ITPKC: variants seen among roughly 807,000 people sequenced by gnomAD.
The protein encoded by ITPKC is inositol-trisphosphate 3-kinase C.
In ITPKC, 33 loss-of-function variants were observed where a neutral mutation model predicts 67.1. The observed-to-expected ratio is 0.49, with a 90% CI of 0.37 to 0.66. The LOEUF (loss-of-function observed/expected upper bound fraction) is 0.66. Ranked by LOEUF, ITPKC falls within the 30% of genes least tolerant of loss-of-function variation. ITPKC has a pLI of 0.00. For synonymous variants in ITPKC, 341 were observed against 359.8 expected, an observed-to-expected ratio of 0.95 and a Z score of 0.59; for missense variants, 820 against 892.1, an observed-to-expected ratio of 0.92 and a Z score of 1.03.
Position 40,717,911 on chromosome 19 carries a change from G to A in ITPKC, c.776G>A (p.Arg259Lys). 1 of 1,614,126 alleles carries A rather than the reference G, an allele frequency of 6.2e-7. No homozygotes were observed. Among genetic ancestry groups the A allele is most frequent in the African/African-American group, 1.3e-5 (1 of 75,020 alleles). The change falls in exon 1 of 7, where the codon AGG (arginine) becomes AAG (lysine). Residue 259 changes from arginine (R) to lysine (K), a missense_variant. Physicochemically the swap from Arg to Lys is conservative, Grantham distance 26 (BLOSUM62 2). Coordinates refer to ENST00000263370, the MANE Select transcript of ITPKC (RefSeq NM_025194.3). Reference protein sequence around the residue: ...SQKKQDTEAARKQPGTGGFQI... With the variant: ...SQKKQDTEAAKKQPGTGGFQI... ...AAAAAACAGGATACTGAAGCAGCCA[G>A]GAAACAGCCTGGCACTGGTGGTTTC...
intron 3 of ITPKC, among the ~76,000 whole-genome samples, chr19:40,731,260 G>T (rs746991975): frequency 6.6e-6 from 1 of 152,212 alleles, no homozygotes; most frequent in Non-Finnish European, 1.5e-5. Flanking sequence ...AGACTAGCGG[G>T]CAGGAGATTC....
chr19:40,718,650 C>T (rs1449789160), intron 1 of ITPKC, among the ~76,000 whole-genome samples: 1 of 152,146 alleles, frequency 6.6e-6, no homozygotes, highest in Non-Finnish European at 1.5e-5. Context: ...CTGTCTAATC[C>T]TCTGGAATCT....
chr19:40,734,784 T>TTG (rs2082287513), intron 4 of ITPKC, among the ~76,000 whole-genome samples: 2 of 118,350 alleles, frequency 1.7e-5, no homozygotes, highest in South Asian at 2.3e-4. Flanking sequence ...AATTGTTGTT[T>TTG]TTTTTTTTTT....
At chr19:40,734,378 G>A (rs2082285123) in intron 4 of ITPKC, among the ~76,000 whole-genome samples, 1 of 151,770 alleles carries the variant, frequency 6.6e-6, no homozygotes, top group Admixed American at 6.6e-5. Context: ...TCCAGAAGCA[G>A]GACTCCTGGG....
intron 4 of ITPKC, among the ~76,000 whole-genome samples, chr19:40,736,705 G>A (rs3745211): frequency 0.51 from 78,028 of 151,532 alleles, 20,342 homozygotes; most frequent in South Asian, 0.6. Context: ...GGGTTTCACC[G>A]TGTTGGCCAG....
In ITPKC at chr19:40,718,083, C is replaced by T; in HGVS notation, c.948C>T (p.Tyr316=). ...PEPGELLTHL[Y]SHLKCSPLCP... is the part of the protein sequence containing the mutation. Reference sequence around the variant, plus strand: ...CTGGAGAATTGCTGACTCACCTGTACTCTCACCTGAAGTGTAGCCCCCTGT... The same window carrying T: ...CTGGAGAATTGCTGACTCACCTGTATTCTCACCTGAAGTGTAGCCCCCTGT... The change falls in exon 1 of 7, where the codon TAC becomes TAT. Residue 316 remains tyrosine, a synonymous_variant. Transcript: ENST00000263370. 1.2e-6 allele frequency: 2 copies of T among 1,613,990 alleles called. No individual in the cohort carries two copies. Among genetic ancestry groups the T allele is most frequent in the Non-Finnish European group, 1.7e-6 (2 of 1,180,022 alleles).
At chr19:40,734,588 A>T (rs925745987) in intron 4 of ITPKC, among the ~76,000 whole-genome samples, 4 of 151,594 alleles carry the variant, frequency 2.6e-5, no homozygotes, top group African/African-American at 4.8e-5. Context: ...TCTAGGATCT[A>T]GCCTCTTCTC....
rs79940110 is a variant in ITPKC, at chr19:40,729,199, T to C, written c.1256-3T>C. 3,669 of 1,612,996 alleles carry C rather than the reference T, an allele frequency of 2.3e-3. 74 individuals are homozygous for C. In the African/African-American group the frequency reaches 0.043, roughly 19 times the overall value. On this transcript the variant is annotated splice_region_variant and splice_polypyrimidine_tract_variant and intron_variant, in intron 2 of 6. Coordinates refer to ENST00000263370, the MANE Select transcript of ITPKC (RefSeq NM_025194.3). ...ATCCTCTCATTTATTCTACCACCTT[T>C]AGGGAACTTCCAGGCAGGAGAGGAT...
At chr19:40,738,002 A>AT (rs2082302989) in intron 6 of ITPKC, among the ~76,000 whole-genome samples, 1 of 151,542 alleles carries the variant, frequency 6.6e-6, no homozygotes, top group South Asian at 2.1e-4. Flanking sequence ...GAAAAAAAAA[A>AT]AAAAAAAAAG....
chr19:40,730,112 T>C (rs542819151), intron 3 of ITPKC, among the ~76,000 whole-genome samples: 1 of 152,156 alleles, frequency 6.6e-6, no homozygotes, highest in Non-Finnish European at 1.5e-5. Flanking sequence ...AATTTTTGTA[T>C]TATTAGTAGA....
rs908102061 is a variant in ITPKC at position 40,740,521 on chromosome 19, G to A, written c.*961G>A. On this transcript the variant is annotated 3_prime_UTR_variant, in exon 7 of 7. Coordinates refer to ENST00000263370, the MANE Select transcript of ITPKC (RefSeq NM_025194.3). ...GGGTGTGTGTCAGAGGCGCAGGGTG[G>A]GTGGGGCTGCCAGCCAGGACCCTGG... The A allele has an allele frequency of 9.4e-6, 2 of 212,576 alleles. No homozygotes were observed. Among genetic ancestry groups the A allele is most frequent in the Non-Finnish European group, 1.9e-5 (2 of 106,820 alleles). The allele number at this position is 212,576 out of a possible 1,614,324, so 13.2% of individuals were successfully genotyped here.
Position 40,739,799 on chromosome 19 carries a change from G to GT in ITPKC, c.*240dup, listed in dbSNP as rs369703591. On this transcript the variant is annotated 3_prime_UTR_variant, in exon 7 of 7. Transcript: ENST00000263370. The stretch of plus-strand genomic sequence containing the variant: ...GACCTGGAAGGAAGGTGATGAGGCA[G>GT]TGAGTCAGAAAAACCAGAACGGGGT... The GT allele has an allele frequency of 5.5e-4, 310 of 560,224 alleles. 3 individuals are homozygous for GT. Among genetic ancestry groups the GT allele is most frequent in the African/African-American group, 5.0e-3 (267 of 53,134 alleles). The allele number at this position is 560,224 out of a possible 1,614,324, so 34.7% of individuals were successfully genotyped here. A position where few individuals can be genotyped will look rare whatever the true frequency, so the allele number is the denominator to read the frequency against.
intron 1 of ITPKC, 121 bp from the exon 2 acceptor site, chr19:40,725,219 C>A (rs1010894613): frequency 1.5e-6 from 1 of 655,190 alleles, no homozygotes. Context: ...AACAGTGATC[C>A]CAGGAAGCCC....
At chr19:40,732,521 CAAAAAAAAA>C (rs33945584) in intron 3 of ITPKC, among the ~76,000 whole-genome samples, 5 of 77,592 alleles carry the variant, frequency 6.4e-5, no homozygotes, top group Admixed American at 3.5e-4. Flanking sequence ...GGGCGGGCGT[CAAAAAAAAA>C]AAAAAAAAAA....
chr19:40,731,344 G>A (rs1274739339), intron 3 of ITPKC, among the ~76,000 whole-genome samples: 1 of 152,178 alleles, frequency 6.6e-6, no homozygotes, highest in African/African-American at 2.4e-5. Context: ...GAATCTAATT[G>A]ATACTTGATG....
At chr19:40,725,568 G>A (rs2082243081) in intron 2 of ITPKC, 129 bp downstream of exon 2, 1 of 713,762 alleles carries the variant, frequency 1.4e-6, no homozygotes, top group South Asian at 1.6e-5. Context: ...GGACTGTTAT[G>A]GGCAGTGCTT....
At chr19:40,732,239 CAA>C (rs1202395500) in intron 3 of ITPKC, among the ~76,000 whole-genome samples, 8 of 46,480 alleles carry the variant, frequency 1.7e-4, no homozygotes, top group South Asian at 6.8e-4. Flanking sequence ...GACTCCATCT[CAA>C]AAAAAAAAAA....
In ITPKC at chr19:40,717,904, G is replaced by C; in HGVS notation, c.769G>C (p.Ala257Pro). 6.2e-7 allele frequency: 1 copy of C among 1,614,156 alleles called. No individual in the cohort carries two copies. The highest frequency in any genetic ancestry group is 8.5e-7 in the Non-Finnish European group (1 of 1,180,018). ...DGSQKKQDTE[A>P]ARKQPGTGGF... ...CTCCCAGAAAAAACAGGATACTGAA[G>C]CAGCCAGGAAACAGCCTGGCACTGG... Residue 257 changes from alanine (A) to proline (P), a missense_variant, in exon 1 of 7, where the codon GCA (alanine) becomes CCA (proline). Ala to Pro is a conservative substitution (Grantham distance 27). Around this residue, in one of 2 missense-constraint regions of ITPKC, gnomAD observed 481 missense variants for 470.1 expected, o/e 1.02. Coordinates refer to ENST00000263370, the MANE Select transcript of ITPKC (RefSeq NM_025194.3).
chr19:40,721,137 G>C (rs767464441), intron 1 of ITPKC, among the ~76,000 whole-genome samples: 15 of 151,826 alleles, frequency 9.9e-5, no homozygotes, highest in African/African-American at 1.7e-4. Context: ...CTTTGCTGGG[G>C]AAACAGCAGT....
Sources: gnomAD v4.1 joint callset for allele counts (sites outside exome capture counted in the v4.1 genomes callset) on GRCh38, gnomAD v4.1.1 for gene constraint, gnomAD v4.1.1 regional missense constraint, MANE v1.5 for transcripts, NCBI Gene and HGNC (gene_info 2026-07-23, HGNC 2026-07-21) for gene names.